The following DNAH5 variants were observed in gnomAD, a reference collection of about 807,000 sequenced individuals.
The protein encoded by DNAH5 is axonemal beta dynein heavy chain 5.
In DNAH5, 372 loss-of-function variants were observed where a neutral mutation model predicts 518.2. The ratio of observed to expected loss-of-function variants is 0.72; its 90% CI spans 0.66 to 0.78. The LOEUF (loss-of-function observed/expected upper bound fraction) is 0.78, where lower values mean the gene tolerates loss of function less well. DNAH5 is among the 30% of genes least tolerant of loss of function. DNAH5 has a pLI of 0.00. For synonymous variants in DNAH5, 2,039 were observed against 2,025.9 expected, an observed-to-expected ratio of 1.01 and a Z score of -0.17; for missense variants, 5,523 against 5,687.0, an observed-to-expected ratio of 0.97 and a Z score of 0.93.
At position 13,902,129 on chromosome 5, in the gene DNAH5, G is replaced by C; in HGVS notation, c.1654C>G (p.Arg552Gly). ...GCAAATGTAACATCCATGAACTTCCGCAACTCGTTCTAAAACAGAATAAAA... is the reference window on the plus strand; with the variant it reads ...GCAAATGTAACATCCATGAACTTCCCCAACTCGTTCTAAAACAGAATAAAA... ...KQTNDLHNEL[R>G]KFMDVTFAKI... The change falls in exon 13 of 79, where the codon CGG (arginine) becomes GGG (glycine). Residue 552 changes from arginine (R) to glycine (G), a missense_variant. Around this residue, in one of 3 missense-constraint regions of DNAH5, gnomAD observed 5,121 missense variants for 5,223.3 expected, o/e 0.98. Coordinates refer to ENST00000265104, the MANE Select transcript of DNAH5 (RefSeq NM_001369.3). 1 of 1,605,096 alleles carries C rather than the reference G, an allele frequency of 6.2e-7. No individual in the cohort carries two copies. The highest frequency in any genetic ancestry group is 8.5e-7 in the Non-Finnish European group (1 of 1,173,754).
intron 61 of DNAH5, among the ~76,000 whole-genome samples, chr5:13,754,634 GTTC>G (rs1750728469): frequency 6.6e-6 from 1 of 151,976 alleles, no homozygotes; most frequent in Non-Finnish European, 1.5e-5. Context: ...TGCCTCCCGG[GTTC>G]AAGTGATTCT....
At chr5:13,826,216 T>TGCA (rs1561363029) in intron 38 of DNAH5, among the ~76,000 whole-genome samples, 1 of 152,200 alleles carries the variant, frequency 6.6e-6, no homozygotes, top group East Asian at 1.9e-4. Context: ...CATTGATGTA[T>TGCA]TACATTTCAC....
rs375287005 is a variant in DNAH5, at chr5:13,793,522, C to G, written c.8217G>C (p.Lys2739Asn). 148 of 1,612,448 alleles carry G rather than the reference C, an allele frequency of 9.2e-5. No individual in the cohort carries two copies. The highest frequency in any genetic ancestry group is 1.3e-4 in the South Asian group (12 of 91,048). ...CATCCTCTTGATCTTTACCAAAGATCTTGTCCACAGAAGCTTCAGAGGGCA... is the reference window on the plus strand; with the variant it reads ...CATCCTCTTGATCTTTACCAAAGATGTTGTCCACAGAAGCTTCAGAGGGCA... ...CTLPSEASVD[K>N]IFGVIGVGHY... Residue 2739 changes from lysine (K) to asparagine (N), a missense_variant, in exon 49 of 79, where the codon AAG becomes AAC. Lys to Asn is a moderately conservative substitution (Grantham distance 94, BLOSUM62 0). Around this residue, in one of 3 missense-constraint regions of DNAH5, gnomAD observed 5,121 missense variants for 5,223.3 expected, o/e 0.98. Coordinates refer to ENST00000265104, the MANE Select transcript of DNAH5 (RefSeq NM_001369.3).
chr5:13,695,784 C>T (rs1208174671), intron 78 of DNAH5, among the ~76,000 whole-genome samples: 2 of 152,016 alleles, frequency 1.3e-5, no homozygotes, highest in African/African-American at 2.4e-5. Context: ...AGATGTTATT[C>T]GACACTTCTT....
intron 56 of DNAH5, among the ~76,000 whole-genome samples, chr5:13,770,312 AGAAGGG>A (rs771417620): frequency 1.1e-4 from 16 of 152,200 alleles, no homozygotes; most frequent in Non-Finnish European, 1.5e-4. Flanking sequence ...TCAGTCACTC[AGAAGGG>A]ATGGGAAGAG....
intron 1 of DNAH5, among the ~76,000 whole-genome samples, chr5:13,996,474 G>A (rs1783959998): frequency 6.6e-6 from 1 of 152,220 alleles, no homozygotes; most frequent in Admixed American, 6.5e-5. Context: ...TTCAAGGTAT[G>A]ATTCATGTGA....
chr5:13,825,313 G>T (rs1168967113), intron 38 of DNAH5, among the ~76,000 whole-genome samples: 2 of 151,702 alleles, frequency 1.3e-5, no homozygotes, highest in Non-Finnish European at 2.9e-5. Context: ...TTGCACTCCA[G>T]CCTGGGCAAC....
chr5:13,797,284 A>G (rs574371364), intron 47 of DNAH5, among the ~76,000 whole-genome samples: 149 of 152,298 alleles, frequency 9.8e-4, no homozygotes, highest in African/African-American at 3.4e-3. Flanking sequence ...ATGGGAGAAA[A>G]TTTTTGCAAT....
Position 13,977,536 on chromosome 5 carries a change from C to T in DNAH5, c.12+34112G>A, listed in dbSNP as rs1352298553. 2.0e-5 allele frequency among the ~76,000 whole-genome samples: 3 copies of T among 152,154 alleles called. No individual in the cohort carries two copies. In the South Asian group the frequency reaches 6.2e-4, roughly 31 times the overall value. ...GCTCCAAGTCTTGCACACAGACCTT[C>T]CTAACTTTCCTCCCTCCCCTCAATT... is the stretch of plus-strand genomic sequence containing the variant. On this transcript the variant is annotated intron_variant, in intron 1 of 78. Transcript: ENST00000681290.
chr5:13,756,886 GTGT>G (rs1751065949), intron 61 of DNAH5, among the ~76,000 whole-genome samples: 1 of 152,084 alleles, frequency 6.6e-6, no homozygotes, highest in Non-Finnish European at 1.5e-5. Flanking sequence ...GCCCCAGTGT[GTGT>G]TGTTTCCGTC....
chr5:13,741,411 C>G lies in DNAH5; in HGVS notation c.11212-3916G>C, dbSNP rs577572587. 1.2e-4 allele frequency among the ~76,000 whole-genome samples: 19 copies of G among 152,142 alleles called. No individual in the cohort carries two copies. In the South Asian group the frequency reaches 3.5e-3, roughly 28 times the overall value. ...ATTCTTTAAGATGTAGCAACTCAAG[C>G]AAAACTTGCTCTTATCATCTTTGTT... On this transcript the variant is annotated intron_variant, in intron 65 of 78. Coordinates refer to ENST00000265104, the MANE Select transcript of DNAH5 (RefSeq NM_001369.3).
In DNAH5 at chr5:13,840,875, C is replaced by G. The variant is rs187670434; in HGVS notation, c.5709+31G>C. Reference sequence around the variant, plus strand: ...GATAGTGTCTAGAATTTGTTTTTCTCTACATGCCACAGCATTTATAAAGAA... The same window carrying G: ...GATAGTGTCTAGAATTTGTTTTTCTGTACATGCCACAGCATTTATAAAGAA... On this transcript the variant is annotated intron_variant, in intron 34 of 78. Coordinates refer to ENST00000265104, the MANE Select transcript of DNAH5 (RefSeq NM_001369.3). 9.0e-4 allele frequency: 1,430 copies of G among 1,591,520 alleles called. 1 individual carries two copies. The highest frequency in any genetic ancestry group is 1.1e-3 in the Non-Finnish European group (1,248 of 1,159,966).
intron 76 of DNAH5, among the ~76,000 whole-genome samples, chr5:13,705,175 T>A (rs1742619852): frequency 6.6e-6 from 1 of 152,088 alleles, no homozygotes; most frequent in South Asian, 2.1e-4. Context: ...GTAGTTTTTT[T>A]AGTAGAGACG....
rs149425439 is a variant in DNAH5 at position 13,925,222 on chromosome 5, A to G, written c.278-1782T>C. On this transcript the variant is annotated intron_variant, in intron 3 of 78. Coordinates refer to ENST00000265104, the MANE Select transcript of DNAH5 (RefSeq NM_001369.3). ...CTCATGAGTAATAAGATGTTAGGCA[A>G]CAAGTTTCAACCAAGGCACCAACGC... 1.8e-3 allele frequency among the ~76,000 whole-genome samples: 280 copies of G among 152,320 alleles called. 1 individual carries two copies. Among genetic ancestry groups the G allele is most frequent in the Admixed American group, 0.016 (239 of 15,292 alleles).
intron 65 of DNAH5, among the ~76,000 whole-genome samples, chr5:13,750,627 T>C (rs1750079770): frequency 6.6e-6 from 1 of 152,222 alleles, no homozygotes; most frequent in Non-Finnish European, 1.5e-5. Context: ...ACTGACAATG[T>C]TGTTTGTTAT....
In DNAH5 at chr5:13,886,133, ACC is replaced by A. The variant is rs1580745572; in HGVS notation, c.2578-6_2578-5del. On this transcript the variant is annotated splice_polypyrimidine_tract_variant and splice_region_variant and intron_variant, in intron 17 of 78. Transcript: ENST00000265104. ...GTGCACCATTTACACAAAGATCCTA[ACC>A]AAAAAAAAAAAAAAAAAAAGATAGC... 4 of 1,456,292 alleles carry A rather than the reference ACC, an allele frequency of 2.7e-6. No individual in the cohort carries two copies. Among genetic ancestry groups the A allele is most frequent in the Admixed American group, 4.6e-5 (2 of 43,890 alleles). 90.2% of individuals were successfully genotyped at this position (1,456,292 alleles called of 1,614,324 possible). A position where few individuals can be genotyped will look rare whatever the true frequency, so the allele number is the denominator to read the frequency against.
rs569149104 is a variant in DNAH5 at position 13,707,778 on chromosome 5, C to G, written c.13338+345G>C. On this transcript the variant is annotated intron_variant, in intron 76 of 78. Transcript: ENST00000265104. This position sits in a 1 kb window ranked among gnomAD's most constrained non-coding sequence, Gnocchi z 4.0. ...CATCATGGACTTTGGAGTCCAGGAGCTTGGGTTTAAATTCTGATTCTTGGA... is the reference window on the plus strand; with the variant it reads ...CATCATGGACTTTGGAGTCCAGGAGGTTGGGTTTAAATTCTGATTCTTGGA... Among the ~76,000 whole-genome samples, 1 of 152,112 alleles carries G rather than the reference C, an allele frequency of 6.6e-6. No individual in the cohort carries two copies. Among genetic ancestry groups the G allele is most frequent in the South Asian group, 2.1e-4 (1 of 4,818 alleles).
Position 13,923,291 on chromosome 5 carries a change from T to C in DNAH5, c.427A>G (p.Asn143Asp). Residue 143 changes from asparagine (N) to aspartate (D), a missense_variant, in exon 4 of 79, where the codon AAC becomes GAC. Transcript: ENST00000265104. ...CTCTTGCCCCTTACCTGGTGGATGT[T>C]GTCAGGGGTGATGGCTTTGGAAGGG... The part of the protein sequence containing the change: ...TDPSKAITPD[N>D]IHQEVSFNML... The C allele has an allele frequency of 6.2e-7, 1 of 1,614,142 alleles. No homozygotes were observed. The highest frequency in any genetic ancestry group is 8.5e-7 in the Non-Finnish European group (1 of 1,180,002).
chr5:13,784,134 C>CT (rs1392846564), intron 52 of DNAH5, among the ~76,000 whole-genome samples: 2 of 152,202 alleles, frequency 1.3e-5, no homozygotes, highest in Non-Finnish European at 2.9e-5. Context: ...AAGCACGACA[C>CT]TTAACATAAA....
Sources: gnomAD v4.1 joint callset for allele counts (sites outside exome capture counted in the v4.1 genomes callset) on GRCh38, gnomAD v4.1.1 for gene constraint, gnomAD v4.1.1 regional missense constraint, Gnocchi (gnomAD v3.1) non-coding constraint, MANE v1.5 for transcripts, NCBI Gene and HGNC (gene_info 2026-07-23, HGNC 2026-07-21) for gene names.